The following GRID2 variants were observed in gnomAD, a reference collection of about 807,000 sequenced individuals.
GRID2 encodes the protein glutamate ionotropic receptor delta type subunit 2.
A neutral mutation model predicts 114.8 loss-of-function variants in GRID2; 33 were observed. The ratio of observed to expected loss-of-function variants is 0.29; its 90% CI spans 0.22 to 0.38. GRID2 has a LOEUF of 0.38. GRID2 is among the 10% of genes least tolerant of loss of function. GRID2 has a pLI of 1.00. For synonymous variants in GRID2, 505 were observed against 449.9 expected, an observed-to-expected ratio of 1.12 and a Z score of -1.55; for missense variants, 1,184 against 1,257.7, an observed-to-expected ratio of 0.94 and a Z score of 0.89.
At chr4:92,882,127 G>T (rs1253022472) in intron 2 of GRID2, among the ~76,000 whole-genome samples, 1 of 152,064 alleles carries the variant, frequency 6.6e-6, no homozygotes, top group Non-Finnish European at 1.5e-5. Context: ...TGCATTTGGT[G>T]GAGTAGAGTT....
chr4:92,687,147 A>G (rs1305310936), intron 2 of GRID2, among the ~76,000 whole-genome samples: 1 of 151,288 alleles, frequency 6.6e-6, no homozygotes, highest in Non-Finnish European at 1.5e-5. Context: ...TGAACCAAAC[A>G]TTCATTGATT....
At chr4:92,740,680 G>A (rs533333696) in intron 2 of GRID2, among the ~76,000 whole-genome samples, 1 of 77,138 alleles carries the variant, frequency 1.3e-5, no homozygotes, top group African/African-American at 4.3e-5. Context: ...TGCATAGATA[G>A]ATAGATAGAT....
At chr4:93,559,665 G>A (rs1252346573) in intron 13 of GRID2, among the ~76,000 whole-genome samples, 1 of 152,198 alleles carries the variant, frequency 6.6e-6, no homozygotes, top group African/African-American at 2.4e-5. Context: ...GTGGAAGACA[G>A]TGTAGTGATT....
chr4:93,663,636 A>C (rs1723695435), intron 14 of GRID2, among the ~76,000 whole-genome samples: 1 of 152,190 alleles, frequency 6.6e-6, no homozygotes, highest in African/African-American at 2.4e-5. Context: ...TGCTTCATGA[A>C]GGAAGGAGCA....
chr4:93,433,687 C>T (rs1720799580), intron 10 of GRID2, among the ~76,000 whole-genome samples: 1 of 152,218 alleles, frequency 6.6e-6, no homozygotes, highest in Non-Finnish European at 1.5e-5. Flanking sequence ...AGTCATGACA[C>T]TTGGCTGATG....
At chr4:93,203,804 T>A (rs1054143227) in intron 4 of GRID2, 1 of 152,058 alleles carries the variant, frequency 6.6e-6, no homozygotes, top group Non-Finnish European at 1.5e-5. Context: ...CTACTGTGGC[T>A]TCCAAGGTCT....
At chr4:93,049,170 ACT>A (rs1231248390) in intron 2 of GRID2, among the ~76,000 whole-genome samples, 2 of 152,022 alleles carry the variant, frequency 1.3e-5, no homozygotes, top group African/African-American at 2.4e-5. Flanking sequence ...CAGATTCTGC[ACT>A]CTTTTATTAT....
chr4:93,615,852 T>C (rs1489677097), intron 13 of GRID2, among the ~76,000 whole-genome samples: 1 of 152,186 alleles, frequency 6.6e-6, no homozygotes, highest in Non-Finnish European at 1.5e-5. Flanking sequence ...CATCCTTTTT[T>C]ATACTCCTAT....
At chr4:93,347,014 C>A (rs569465920) in intron 8 of GRID2, among the ~76,000 whole-genome samples, 3 of 152,174 alleles carry the variant, frequency 2.0e-5, no homozygotes, top group Admixed American at 2.0e-4. Flanking sequence ...TTAGTGGTAA[C>A]CTAGCAGCAT....
At chr4:93,791,569 T>C (rs1734695295) in intron 1 of GRID2, among the ~76,000 whole-genome samples, 1 of 152,240 alleles carries the variant, frequency 6.6e-6, no homozygotes, top group Non-Finnish European at 1.5e-5. Flanking sequence ...TTAAAGGTTT[T>C]ATCCACTAAA....
chr4:92,760,237 C>CAAAAAAAAA (rs982301426), intron 2 of GRID2, among the ~76,000 whole-genome samples: 2 of 38,406 alleles, frequency 5.2e-5, no homozygotes, highest in African/African-American at 9.4e-5. Context: ...GACTCTGTCT[C>CAAAAAAAAA]AAAAAAAAAA....
chr4:93,690,276 CG>C (rs1726441657), intron 14 of GRID2, among the ~76,000 whole-genome samples: 1 of 151,904 alleles, frequency 6.6e-6, no homozygotes, highest in Non-Finnish European at 1.5e-5. Context: ...CTATAAAAAA[CG>C]CACAATAAGA....
chr4:92,525,216 A>C (rs2149143752), intron 1 of GRID2, among the ~76,000 whole-genome samples: 1 of 152,178 alleles, frequency 6.6e-6, no homozygotes, highest in Non-Finnish European at 1.5e-5. Context: ...AAAAGAGAAT[A>C]TTCAGAGAAT....
intron 2 of GRID2, among the ~76,000 whole-genome samples, chr4:92,744,312 A>AC (rs1298091131): frequency 6.6e-6 from 1 of 151,816 alleles, no homozygotes; most frequent in African/African-American, 2.4e-5. Context: ...ACATGGTGAA[A>AC]CCCCGTCTCT....
intron 4 of GRID2, among the ~76,000 whole-genome samples, chr4:93,184,440 T>C (rs1384289107): frequency 6.7e-6 from 1 of 148,674 alleles, no homozygotes. Context: ...TTTCTTCATG[T>C]AAGTGATCAT....
intron 9 of GRID2, among the ~76,000 whole-genome samples, chr4:93,412,937 T>C (rs1767349880): frequency 6.6e-6 from 1 of 152,214 alleles, no homozygotes; most frequent in South Asian, 2.1e-4. Flanking sequence ...CATTCTTTGC[T>C]ATGGCTGCAC....
intron 1 of GRID2, among the ~76,000 whole-genome samples, chr4:92,537,784 G>GGTGT (rs70942907): frequency 0.11 from 13,752 of 125,606 alleles, 703 homozygotes; most frequent in Middle Eastern, 0.17. Flanking sequence ...AAAAACTTGC[G>GGTGT]GTGTGTGTGT....
At chr4:92,875,161 T>G (rs1414796103) in intron 2 of GRID2, among the ~76,000 whole-genome samples, 14 of 144,360 alleles carry the variant, frequency 9.7e-5, no homozygotes, top group Non-Finnish European at 2.1e-4. Context: ...TTTTTTTTTT[T>G]TTTTTTTTTT....
chr4:93,274,718 G>T (rs557400430), intron 8 of GRID2, among the ~76,000 whole-genome samples: 36 of 152,110 alleles, frequency 2.4e-4, no homozygotes, highest in African/African-American at 8.4e-4. Flanking sequence ...TGGTAGGAAG[G>T]CTGGCTGTGC....
Sources: gnomAD v4.1 joint callset for allele counts (sites outside exome capture counted in the v4.1 genomes callset) on GRCh38, gnomAD v4.1.1 for gene constraint, MANE v1.5 for transcripts, NCBI Gene and HGNC (gene_info 2026-07-23, HGNC 2026-07-21) for gene names.